DNAH9: variants seen among roughly 807,000 people sequenced by gnomAD.
DNAH9 encodes the protein DNAH9 variant protein.
Under a neutral mutation model 471.6 loss-of-function variants are expected in DNAH9, and 345 were observed. That is an observed-to-expected ratio of 0.73 (90% CI 0.67 to 0.80). The LOEUF (loss-of-function observed/expected upper bound fraction) is 0.80. DNAH9 is among the 30% of genes least tolerant of loss of function. The pLI, the probability that DNAH9 is intolerant of heterozygous loss-of-function variation, is 0.00. For synonymous variants in DNAH9, 2,093 were observed against 2,123.6 expected (o/e 0.99, Z 0.40); for missense variants, 5,407 against 5,609.2 (o/e 0.96, Z 1.15).
intron 61 of DNAH9, among the ~76,000 whole-genome samples, chr17:11,920,810 T>G (rs1375024440): frequency 2.0e-5 from 3 of 151,854 alleles, no homozygotes. Context: ...TAAAAGTTAG[T>G]AAATAATAAA....
At chr17:11,749,078 T>G (rs1203474874) in intron 32 of DNAH9, among the ~76,000 whole-genome samples, 63 of 24,920 alleles carry the variant, frequency 2.5e-3, no homozygotes, top group African/African-American at 6.0e-3. Context: ...TTTTTTGTTT[T>G]TTTTTTTGTT....
intron 32 of DNAH9, 66 bp from the exon 33 acceptor site, chr17:11,752,767 A>G: frequency 7.3e-7 from 1 of 1,379,108 alleles, no homozygotes; most frequent in Admixed American, 2.3e-5. Flanking sequence ...AAAGGGGGAA[A>G]GCTGTGTTTA....
At chr17:11,754,437 C>A (rs905209992) in intron 33 of DNAH9, among the ~76,000 whole-genome samples, 1 of 152,196 alleles carries the variant, frequency 6.6e-6, no homozygotes, top group Admixed American at 6.5e-5. Flanking sequence ...ATTTACACTC[C>A]CACCAACAGT....
intron 14 of DNAH9, among the ~76,000 whole-genome samples, chr17:11,659,475 A>T (rs949174193): frequency 9.9e-5 from 15 of 152,136 alleles, no homozygotes; most frequent in Middle Eastern, 3.4e-3. Context: ...AGGGCATAAA[A>T]CCCCTTGTGG....
intron 67 of DNAH9, among the ~76,000 whole-genome samples, chr17:11,944,132 T>C (rs2151434828): frequency 6.6e-6 from 1 of 152,286 alleles, no homozygotes; most frequent in African/African-American, 2.4e-5. Flanking sequence ...TGAGAGGTAG[T>C]TGTCTTTTCT....
chr17:11,924,303 C>T (rs184915343), intron 62 of DNAH9, among the ~76,000 whole-genome samples: 214 of 152,274 alleles, frequency 1.4e-3, no homozygotes, highest in African/African-American at 3.4e-3. Context: ...TTTCATGGCA[C>T]GTTCCTCTGC....
intron 42 of DNAH9, 50 bp downstream of exon 42, chr17:11,793,714 A>AAGTCCTTTTCTTCTACCATC: frequency 7.3e-7 from 1 of 1,364,328 alleles, no homozygotes; most frequent in Non-Finnish European, 9.9e-7. Flanking sequence ...AAAAAAGATA[A>AAGTCCTTTTCTTCTACCATC]TTATACAGAT....
rs1174414787 is a variant in DNAH9, at chr17:11,711,918, TTATATA to T, written c.5552+6736_5552+6741del. Among the ~76,000 whole-genome samples, 49 of 44,194 alleles carry T rather than the reference TTATATA, an allele frequency of 1.1e-3. 14 individuals carry two copies. The highest frequency in any genetic ancestry group is 5.6e-3 in the African/African-American group (35 of 6,274). 29.0% of individuals were successfully genotyped at this position (44,194 alleles called of 152,430 possible). A position where few individuals can be genotyped will look rare whatever the true frequency, so the allele number is the denominator to read the frequency against. Reference sequence around the variant, plus strand: ...TAAATATATATATTTGTATATATATTTATATATAAATATATATATTTGTATATATAT... The same window carrying T: ...TAAATATATATATTTGTATATATATTTAAATATATATATTTGTATATATAT... On this transcript the variant is annotated intron_variant, in intron 26 of 68. Coordinates refer to ENST00000262442, the MANE Select transcript of DNAH9 (RefSeq NM_001372.4).
chr17:11,708,004 CACACACACACAGAGAGAGAGAGAGAG>C (rs1344433817), intron 26 of DNAH9, among the ~76,000 whole-genome samples: 42 of 49,066 alleles, frequency 8.6e-4, no homozygotes, highest in Admixed American at 2.3e-3. Flanking sequence ...CACACACACA[CACACACACACAGAGAGAGAGAGAGAG>C]AGAGAGAGAG....
chr17:11,694,740 CTT>C (rs1193395751), intron 22 of DNAH9, among the ~76,000 whole-genome samples: 1 of 4,374 alleles, frequency 2.3e-4, no homozygotes, highest in African/African-American at 3.9e-4. Flanking sequence ...CTCTTTCTTT[CTT>C]TCTTTCTTTC....
chr17:11,739,625 A>G (rs2075402566), intron 29 of DNAH9, among the ~76,000 whole-genome samples: 1 of 152,250 alleles, frequency 6.6e-6, no homozygotes, highest in Non-Finnish European at 1.5e-5. Context: ...TAAAAAGAGT[A>G]GTACCAAATT....
intron 17 of DNAH9, among the ~76,000 whole-genome samples, chr17:11,674,173 C>T (rs555709333): frequency 1.6e-3 from 248 of 152,280 alleles, no homozygotes; most frequent in Non-Finnish European, 2.6e-3. Flanking sequence ...ACACTGCTTC[C>T]CTTTTAACAA....
At chr17:11,782,846 G>A (rs562231414) in intron 39 of DNAH9, among the ~76,000 whole-genome samples, 3 of 152,242 alleles carry the variant, frequency 2.0e-5, no homozygotes, top group East Asian at 1.9e-4. Flanking sequence ...GCAGTGAGCC[G>A]AGATCTGCCA....
intron 67 of DNAH9, among the ~76,000 whole-genome samples, chr17:11,958,774 A>C (rs922176552): frequency 6.6e-6 from 1 of 152,170 alleles, no homozygotes; most frequent in Non-Finnish European, 1.5e-5. Context: ...GCATAGAGAA[A>C]ACTTCTCAAC....
chr17:11,747,687 G>A lies in DNAH9; in HGVS notation c.6531G>A (p.Trp2177Ter), dbSNP rs148041956. The A allele has an allele frequency of 1.2e-6, 2 of 1,614,144 alleles. No individual in the cohort carries two copies. The highest frequency in any genetic ancestry group is 1.7e-5 in the Admixed American group (1 of 60,020). ...AGATCATGAAACGGCGCCCCGTCTGGACTGACCTCAATCCCAAAGCAGTCA... is the reference window on the plus strand; with the variant it reads ...AGATCATGAAACGGCGCCCCGTCTGAACTGACCTCAATCCCAAAGCAGTCA... ...TYQIMKRRPV[W>*]TDLNPKAVTN... The change falls in exon 32 of 69, where the codon TGG becomes TGA. Residue 2177 changes from tryptophan to a stop codon, truncating the protein, a stop_gained. Transcript: ENST00000262442. LOFTEE classifies it high-confidence loss of function.
intron 59 of DNAH9, among the ~76,000 whole-genome samples, 180 bp downstream of exon 59, chr17:11,894,676 G>A (rs1391036539): frequency 1.3e-5 from 2 of 152,204 alleles, no homozygotes; most frequent in African/African-American, 4.8e-5. Context: ...GGCCTGCAGA[G>A]AAGAAGCAGG....
intron 49 of DNAH9, chr17:11,853,339 C>T (rs1017280022): frequency 2.0e-5 from 3 of 152,340 alleles, no homozygotes; most frequent in Non-Finnish European, 2.9e-5. Flanking sequence ...GTTCTCCTGC[C>T]CCCAATTTAC....
chr17:11,871,938 C>T (rs1316778138), intron 52 of DNAH9, 152 bp downstream of exon 52: 3 of 822,972 alleles, frequency 3.6e-6, no homozygotes, highest in East Asian at 2.7e-5. Context: ...TACCCGTGTC[C>T]TTCCACACTG....
chr17:11,889,390 T>G (rs777069466), intron 57 of DNAH9, among the ~76,000 whole-genome samples: 11 of 152,240 alleles, frequency 7.2e-5, no homozygotes, highest in Non-Finnish European at 1.2e-4. Flanking sequence ...AGAAGTTATG[T>G]AAGTTCCAAA....
Sources: gnomAD v4.1 joint callset for allele counts (sites outside exome capture counted in the v4.1 genomes callset) on GRCh38, gnomAD v4.1.1 for gene constraint, MANE v1.5 for transcripts, NCBI Gene and HGNC (gene_info 2026-07-23, HGNC 2026-07-21) for gene names.